The following USP40 variants were observed in gnomAD, a reference collection of about 807,000 sequenced individuals.
USP40 encodes ubiquitin carboxyl-terminal hydrolase 40.
USP40 carries 143 observed loss-of-function variants against 166.2 expected under a neutral mutation model. That is an observed-to-expected ratio of 0.86 (90% CI 0.75 to 0.99). The LOEUF is 0.99. Ranked by LOEUF, USP40 falls within the 50% of genes least tolerant of loss-of-function variation. The probability of loss-of-function intolerance (pLI) is 0.00; values close to 1 mark genes in which losing one functional copy is unlikely to be tolerated. For missense variants in USP40, 1,444 were observed against 1,479.7 expected, an observed-to-expected ratio of 0.98 and a Z score of 0.40; for synonymous variants, 498 against 524.0, an observed-to-expected ratio of 0.95 and a Z score of 0.68.
intron 22 of USP40, among the ~76,000 whole-genome samples, chr2:233,499,152 C>G (rs907880271): frequency 1.0e-4 from 15 of 149,478 alleles, no homozygotes; most frequent in Admixed American, 4.0e-4. Flanking sequence ...CTCCCTCCCC[C>G]ACTCCCACCC....
chr2:233,485,881 C>G lies in USP40; in HGVS notation c.3294G>C (p.Gly1098=). 1 of 1,606,576 alleles carries G rather than the reference C, an allele frequency of 6.2e-7. No homozygotes were observed. Among genetic ancestry groups the G allele is most frequent in the Non-Finnish European group, 8.5e-7 (1 of 1,176,814 alleles). ...LDLVWNAAQG[G]TAGSLRQRVA... ...CTCTCTGCCTCAGGGAGCCGGCAGT[C>G]CCACCCTGGGCCGCGTTCCACACCA... Residue 1098 remains glycine (G), a synonymous_variant, in exon 29 of 32, where the codon GGG becomes GGC. Transcript: ENST00000678225.
At chr2:233,509,467 A>G (rs183770639) in intron 21 of USP40, among the ~76,000 whole-genome samples, 51 of 152,256 alleles carry the variant, frequency 3.3e-4, no homozygotes, top group Admixed American at 9.1e-4. Context: ...TTTTTCTTTT[A>G]ATCAATTTCT....
intron 18 of USP40, among the ~76,000 whole-genome samples, chr2:233,518,338 G>A (rs1186867351): frequency 6.7e-6 from 1 of 150,202 alleles, no homozygotes; most frequent in African/African-American, 2.4e-5. Flanking sequence ...AGGCCGAGGT[G>A]GGCAGATTAC....
At chr2:233,510,712 C>G (rs1575261742) in intron 20 of USP40, among the ~76,000 whole-genome samples, 1 of 152,168 alleles carries the variant, frequency 6.6e-6, no homozygotes, top group East Asian at 1.9e-4. Context: ...CCAACATACA[C>G]TATTTCTTCT....
At chr2:233,501,552 T>A (rs374202390) in intron 21 of USP40, among the ~76,000 whole-genome samples, 3 of 152,204 alleles carry the variant, frequency 2.0e-5, no homozygotes, top group African/African-American at 7.2e-5. Flanking sequence ...TCATTTCAGA[T>A]GAAAAAGATG....
chr2:233,523,183 G>A lies in USP40; in HGVS notation c.2188C>T (p.His730Tyr). The A allele has an allele frequency of 6.2e-7, 1 of 1,610,198 alleles. No homozygotes were observed. Among genetic ancestry groups the A allele is most frequent in the African/African-American group, 1.3e-5 (1 of 74,962 alleles). Residue 730 changes from histidine to tyrosine, a missense_variant, in exon 16 of 32, where the codon CAT becomes TAT. Coordinates refer to ENST00000678225, the MANE Select transcript of USP40 (RefSeq NM_001365479.2). ...NGSSILIQDSHDDNSLLTKEE... is the reference protein window; with the variant it reads ...NGSSILIQDSYDDNSLLTKEE... Reference sequence around the variant, plus strand: ...TTAGCGAGTTACCTGTTATCATCATGAGAATCCTGAATTAAAATTGAGCTT... The same window carrying A: ...TTAGCGAGTTACCTGTTATCATCATAAGAATCCTGAATTAAAATTGAGCTT...
chr2:233,492,481 G>C (rs1490535358), intron 25 of USP40, among the ~76,000 whole-genome samples: 1 of 152,152 alleles, frequency 6.6e-6, no homozygotes, highest in Non-Finnish European at 1.5e-5. Context: ...GATTAAACAT[G>C]CTTTTACAAT....
At position 233,477,519 on chromosome 2, in the gene USP40, C is replaced by A. The variant is rs1277171326; in HGVS notation, c.3600-16G>T. On this transcript the variant is annotated splice_polypyrimidine_tract_variant and intron_variant, in intron 31 of 31. Coordinates refer to ENST00000678225, the MANE Select transcript of USP40 (RefSeq NM_001365479.2). ...GGCTTCTTGGCTGCAGAGACACAGA[C>A]ACTGTCATTGACTCATGGATGCAGT... The A allele has an allele frequency of 1.2e-6, 2 of 1,607,982 alleles. No homozygotes were observed. The highest frequency in any genetic ancestry group is 1.7e-6 in the Non-Finnish European group (2 of 1,176,234).
Position 233,493,576 on chromosome 2 carries a change from G to C in USP40, c.2791-25C>G, listed in dbSNP as rs1559222828. ...CCTGAAGAATGGAGCATGTTTAACT[G>C]CTGTGATTACAAAGATTAAGTGAAA... On this transcript the variant is annotated intron_variant, in intron 24 of 31. Transcript: ENST00000678225. The surrounding 1 kb of genome is among the most constrained non-coding windows in gnomAD (Gnocchi z 4.7). 3.1e-6 allele frequency: 5 copies of C among 1,588,174 alleles called. No individual in the cohort carries two copies. Among genetic ancestry groups the C allele is most frequent in the African/African-American group, 1.3e-5 (1 of 74,194 alleles).
intron 7 of USP40, among the ~76,000 whole-genome samples, chr2:233,550,497 CA>C (rs35489447): frequency 0.035 from 4,886 of 140,778 alleles, 228 homozygotes; most frequent in African/African-American, 0.11. Flanking sequence ...ATTCAAACAA[CA>C]AAAAAAAAAA....
chr2:233,560,614 T>C, intron 3 of USP40: 1 of 173,812 alleles, frequency 5.8e-6, no homozygotes, highest in East Asian at 1.6e-4. Flanking sequence ...CTGGGCTAGA[T>C]CATGAAAGAC....
At chr2:233,534,522 C>T (rs1280705169) in intron 10 of USP40, among the ~76,000 whole-genome samples, 1 of 152,106 alleles carries the variant, frequency 6.6e-6, no homozygotes, top group African/African-American at 2.4e-5. Context: ...ATCAATCACC[C>T]TGGAAAGGTG....
intron 21 of USP40, among the ~76,000 whole-genome samples, chr2:233,500,656 G>A (rs1186732908): frequency 2.0e-5 from 3 of 152,100 alleles, no homozygotes; most frequent in Non-Finnish European, 4.4e-5. Flanking sequence ...TTTTTAAAAA[G>A]TAGGAAATGT....
rs749354263 is a variant in USP40 at position 233,527,473 on chromosome 2, TTC to T, written c.1657_1658del (p.Glu553LysfsTer8). 6.2e-7 allele frequency: 1 copy of T among 1,613,848 alleles called. No homozygotes were observed. Among genetic ancestry groups the T allele is most frequent in the Admixed American group, 1.7e-5 (1 of 60,006 alleles). On this transcript the variant is annotated frameshift_variant, in exon 13 of 32. Transcript: ENST00000678225. LOFTEE classifies it high-confidence loss of function. Reference sequence around the variant, plus strand: ...TATCAAAGGTCAAATCCCACACGCTTTCTGTTTGAGAGACTACTGGGTGCAGA... The same window carrying T: ...TATCAAAGGTCAAATCCCACACGCTTTGTTTGAGAGACTACTGGGTGCAGA... ...GALHPVVSQTESVWDLTFDKR... is the reference protein window; with the variant it reads ...GALHPVVSQTXSVWDLTFDKR...
intron 4 of USP40, 42 bp from the exon 5 acceptor site, chr2:233,557,061 A>T: frequency 3.2e-6 from 5 of 1,543,640 alleles, no homozygotes; most frequent in Non-Finnish European, 4.4e-6. Flanking sequence ...CGGGCTTCAG[A>T]TTTTTTAAAA....
At position 233,480,777 on chromosome 2, in the gene USP40, T is replaced by C. The variant is rs1219244894; in HGVS notation, c.3599+426A>G. Among the ~76,000 whole-genome samples the C allele has an allele frequency of 6.6e-6, 1 of 152,036 alleles. No homozygotes were observed. The highest frequency in any genetic ancestry group is 6.5e-5 in the Admixed American group (1 of 15,274). ...GCAGCGTCCCCTGGAGTGGCCAGGC[T>C]CTCGGGAACCTTGGAGAGAGCGGGA... On this transcript the variant is annotated intron_variant, in intron 31 of 31. Transcript: ENST00000678225. This position sits in a 1 kb window ranked among gnomAD's most constrained non-coding sequence, Gnocchi z 4.5.
At position 233,542,349 on chromosome 2, in the gene USP40, T is replaced by G. The variant is rs2069499352; in HGVS notation, c.981A>C (p.Lys327Asn). 6.4e-7 allele frequency: 1 copy of G among 1,552,650 alleles called. No individual in the cohort carries two copies. Among genetic ancestry groups the G allele is most frequent in the Non-Finnish European group, 8.7e-7 (1 of 1,148,628 alleles). Residue 327 changes from lysine to asparagine, a missense_variant, in exon 9 of 32, where the codon AAA becomes AAC. Physicochemically the swap from Lys to Asn is moderately conservative, Grantham distance 94 (BLOSUM62 0). Transcript: ENST00000678225. ...GNWQFQEEKS[K>N]PDVNLKDLQS... is the part of the protein sequence containing the mutation. ...GGAGATCTTTCAGATTCACATCTGG[T>G]TTACTTTTTTCCTCCTAGGAAGGAA...
intron 7 of USP40, among the ~76,000 whole-genome samples, chr2:233,550,395 C>T (rs2070442753): frequency 6.6e-6 from 1 of 151,564 alleles, no homozygotes; most frequent in Non-Finnish European, 1.5e-5. Context: ...AAACAAGAAA[C>T]AATTATATTA....
At chr2:233,516,586 G>T (rs2067212747) in intron 18 of USP40, among the ~76,000 whole-genome samples, 3 of 151,896 alleles carry the variant, frequency 2.0e-5, no homozygotes, top group African/African-American at 7.3e-5. Flanking sequence ...TACTCGAGAG[G>T]CTGAGGCAGG....
Sources: gnomAD v4.1 joint callset for allele counts (sites outside exome capture counted in the v4.1 genomes callset) on GRCh38, gnomAD v4.1.1 for gene constraint, Gnocchi (gnomAD v3.1) non-coding constraint, MANE v1.5 for transcripts, NCBI Gene and HGNC (gene_info 2026-07-23, HGNC 2026-07-21) for gene names.